NALF1: variants seen among roughly 807,000 people sequenced by gnomAD.
NALF1 encodes the protein NALCN channel auxiliary factor 1.
NALF1 carries 3 observed loss-of-function variants against 48.4 expected under a neutral mutation model. The ratio of observed to expected loss-of-function variants is 0.06; its 90% confidence interval spans 0.03 to 0.16. The LOEUF (loss-of-function observed/expected upper bound fraction) is 0.16, where lower values mean the gene tolerates loss of function less well. Among genes scored for constraint, NALF1 ranks in the 10% least tolerant of loss-of-function variants. NALF1 has a pLI of 1.00. For synonymous variants in NALF1, 262 were observed against 245.7 expected (o/e 1.07, Z -0.62); for missense variants, 526 against 571.5 (o/e 0.92, Z 0.81).
At chr13:107,337,970 T>G (rs1451197943) in intron 1 of NALF1, among the ~76,000 whole-genome samples, 1 of 152,194 alleles carries the variant, frequency 6.6e-6, no homozygotes, top group Non-Finnish European at 1.5e-5. Context: ...GTGTCTGTGG[T>G]TATGCTGGGA....
At chr13:107,395,626 C>G (rs773752577) in intron 1 of NALF1, among the ~76,000 whole-genome samples, 3 of 152,116 alleles carry the variant, frequency 2.0e-5, no homozygotes, top group Non-Finnish European at 4.4e-5. Flanking sequence ...ACTGCATTAG[C>G]TTGCTAGGGC....
intron 1 of NALF1, among the ~76,000 whole-genome samples, chr13:107,263,124 C>T (rs1295180542): frequency 1.3e-5 from 2 of 151,930 alleles, no homozygotes; most frequent in Non-Finnish European, 2.9e-5. Context: ...TCCCTTGAAA[C>T]CCTTCAGTCT....
intron 1 of NALF1, among the ~76,000 whole-genome samples, chr13:107,699,338 A>G (rs1471731264): frequency 6.6e-6 from 1 of 152,166 alleles, no homozygotes; most frequent in Admixed American, 6.6e-5. Context: ...GATAGAGAGA[A>G]GTAAAGAAAA....
intron 1 of NALF1, among the ~76,000 whole-genome samples, chr13:107,583,202 A>C (rs529177349): frequency 7.2e-5 from 11 of 152,200 alleles, no homozygotes; most frequent in Non-Finnish European, 1.5e-4. Context: ...TATGCTATTT[A>C]TGAAACATAA....
rs1227944856 is a variant in NALF1, at chr13:107,502,173, T to TATTTTC, written c.916-291419_916-291418insGAAAAT. On this transcript the variant is annotated intron_variant, in intron 1 of 2. Coordinates refer to ENST00000375915, the MANE Select transcript of NALF1 (RefSeq NM_001080396.3). ...TTGGAAATTTTCATGAAAATACAAA[T>TATTTTC]ATGAGAAAAAACACTTTGATAAGTC... Among the ~76,000 whole-genome samples the TATTTTC allele has an allele frequency of 2.6e-5, 4 of 152,236 alleles. No individual in the cohort carries two copies. In the East Asian group the frequency reaches 7.7e-4, roughly 29 times the overall value.
At chr13:107,769,941 CT>C (rs1877531194) in intron 1 of NALF1, among the ~76,000 whole-genome samples, 1 of 152,138 alleles carries the variant, frequency 6.6e-6, no homozygotes, top group Non-Finnish European at 1.5e-5. Context: ...GAGACGGAGT[CT>C]CGCTCTGTCA....
intron 1 of NALF1, among the ~76,000 whole-genome samples, chr13:107,238,864 A>T (rs1880407177): frequency 6.6e-6 from 1 of 152,184 alleles, no homozygotes; most frequent in African/African-American, 2.4e-5. Context: ...GGAGTCACAG[A>T]ATAATACAGG....
intron 1 of NALF1, among the ~76,000 whole-genome samples, chr13:107,815,374 T>G (rs7996514): frequency 0.085 from 12,985 of 152,020 alleles, 844 homozygotes; most frequent in East Asian, 0.39. Flanking sequence ...TTTTTTCAAA[T>G]AAGATATACA....
At position 107,469,733 on chromosome 13, in the gene NALF1, C is replaced by CTTTTTTTTTTTTTTT. The variant is rs61241553; in HGVS notation, c.916-258993_916-258979dup. 2.3e-4 allele frequency among the ~76,000 whole-genome samples: 18 copies of CTTTTTTTTTTTTTTT among 79,968 alleles called. 3 individuals are homozygous for CTTTTTTTTTTTTTTT. The highest frequency in any genetic ancestry group is 6.9e-4 in the African/African-American group (13 of 18,764). The allele number at this position is 79,968 out of a possible 152,430, so 52.5% of individuals were successfully genotyped here. On this transcript the variant is annotated intron_variant, in intron 1 of 2. Transcript: ENST00000375915. ...TAAATGCGATGAGTCAACTGTGTAT[C>CTTTTTTTTTTTTTTT]TTTTTTTTTTTTTTTTTTTTTTTTT...
intron 1 of NALF1, among the ~76,000 whole-genome samples, chr13:107,372,944 A>G (rs1361102781): frequency 7.1e-6 from 1 of 141,450 alleles, no homozygotes; most frequent in Non-Finnish European, 1.5e-5. Flanking sequence ...TCGGACCCTA[A>G]ATTTTCTACT....
intron 1 of NALF1, among the ~76,000 whole-genome samples, chr13:107,828,021 C>A (rs1368442412): frequency 6.6e-6 from 1 of 152,078 alleles, no homozygotes; most frequent in Non-Finnish European, 1.5e-5. Flanking sequence ...CTACTTCTAC[C>A]CTGAAGCTGG....
chr13:107,601,546 T>C (rs962340533), intron 1 of NALF1, among the ~76,000 whole-genome samples: 1 of 152,166 alleles, frequency 6.6e-6, no homozygotes, highest in African/African-American at 2.4e-5. Context: ...GGAGGCTTTG[T>C]TTGTATTTTG....
At position 107,865,959 on chromosome 13, in the gene NALF1, G is replaced by A. The variant is rs760962812; in HGVS notation, c.638C>T (p.Thr213Ile). 6 of 1,613,402 alleles carry A rather than the reference G, an allele frequency of 3.7e-6. No homozygotes were observed. In the East Asian group the frequency reaches 6.7e-5, roughly 18 times the overall value. ...DGQEVRSKHP[T>I]PLWNLSDFYL... Reference sequence around the variant, plus strand: ...AAAATCCGACAAGTTCCAGAGCGGAGTGGGATGCTTGCTCCTCACCTCCTG... The same window carrying A: ...AAAATCCGACAAGTTCCAGAGCGGAATGGGATGCTTGCTCCTCACCTCCTG... Residue 213 changes from threonine (T) to isoleucine (I), a missense_variant, in exon 1 of 3, where the codon ACT becomes ATT. Physicochemically the swap from Thr to Ile is moderately conservative, Grantham distance 89. This residue lies in a region of NALF1 where 373 missense variants were observed against 355.5 expected (regional missense o/e 1.05). Transcript: ENST00000375915.
In NALF1 at chr13:107,743,742, C is replaced by T. The variant is rs74801359; in HGVS notation, c.915+121940G>A. On this transcript the variant is annotated intron_variant, in intron 1 of 2. Coordinates refer to ENST00000375915, the MANE Select transcript of NALF1 (RefSeq NM_001080396.3). The stretch of plus-strand genomic sequence containing the variant: ...AGAACACAGTGAGTGCTTCTGTTTG[C>T]CTATGCGGTATGCCTTGCAAAAAGG... Among the ~76,000 whole-genome samples the T allele has an allele frequency of 6.3e-3, 962 of 152,224 alleles. 7 individuals are homozygous for T. Among genetic ancestry groups the T allele is most frequent in the African/African-American group, 0.022 (919 of 41,534 alleles).
At chr13:107,259,284 T>A (rs755461984) in intron 1 of NALF1, among the ~76,000 whole-genome samples, 3 of 152,196 alleles carry the variant, frequency 2.0e-5, no homozygotes, top group Non-Finnish European at 4.4e-5. Context: ...CTATTTTCTA[T>A]AACTTTACCT....
At chr13:107,432,992 C>T (rs761121788) in intron 1 of NALF1, among the ~76,000 whole-genome samples, 3 of 152,160 alleles carry the variant, frequency 2.0e-5, no homozygotes, top group Non-Finnish European at 4.4e-5. Flanking sequence ...CACCTTTTGA[C>T]TCTTTTTCCT....
intron 1 of NALF1, among the ~76,000 whole-genome samples, chr13:107,751,913 G>A (rs1228398301): frequency 6.6e-6 from 1 of 151,738 alleles, no homozygotes; most frequent in Non-Finnish European, 1.5e-5. Context: ...AAGGTGCTTG[G>A]AATTTTACCT....
At chr13:107,274,518 TACC>T (rs1398275712) in intron 1 of NALF1, among the ~76,000 whole-genome samples, 1 of 152,150 alleles carries the variant, frequency 6.6e-6, no homozygotes, top group East Asian at 1.9e-4. Context: ...GCTATGTTCG[TACC>T]ACTGCACTCC....
intron 1 of NALF1, among the ~76,000 whole-genome samples, chr13:107,798,840 C>T (rs182061258): frequency 8.1e-4 from 124 of 152,232 alleles, no homozygotes; most frequent in African/African-American, 2.2e-3. Context: ...AAACAAACTG[C>T]CCCCAAATAT....
Sources: allele counts gnomAD v4.1 joint callset (sites outside exome capture counted in the v4.1 genomes callset), GRCh38; gene constraint gnomAD v4.1.1; regional missense constraint gnomAD v4.1.1; transcripts MANE v1.5; gene names NCBI Gene and HGNC (gene_info 2026-07-23, HGNC 2026-07-21).